Variants in SNTG1 observed in about 807,000 individuals in gnomAD.
SNTG1 encodes the protein syntrophin gamma 1.
A neutral mutation model predicts 74.7 loss-of-function variants in SNTG1; 39 were observed. That is an observed-to-expected ratio of 0.52 (90% CI 0.40 to 0.68). The LOEUF is 0.68. Among genes scored for constraint, SNTG1 ranks in the 30% least tolerant of loss-of-function variants. The pLI is 0.00. For synonymous variants in SNTG1, 254 were observed against 217.1 expected (o/e 1.17, Z -1.49); for missense variants, 685 against 609.5 (o/e 1.12, Z -1.30).
chr8:49,938,547 C>CTTTTCTTTTG (rs1227462232), intron 1 of SNTG1, among the ~76,000 whole-genome samples: 4 of 55,888 alleles, frequency 7.2e-5, no homozygotes, highest in Non-Finnish European at 1.6e-4. Flanking sequence ...ACCATGCCTT[C>CTTTTCTTTTG]TTTTCTTTTG....
At chr8:50,466,689 A>T (rs1472469362) in intron 8 of SNTG1, among the ~76,000 whole-genome samples, 1 of 151,970 alleles carries the variant, frequency 6.6e-6, no homozygotes, top group Non-Finnish European at 1.5e-5. Context: ...ATTAATTTAG[A>T]TTGCCTTTGC....
chr8:50,499,397 G>T (rs1180189934), intron 8 of SNTG1, among the ~76,000 whole-genome samples: 1 of 148,564 alleles, frequency 6.7e-6, no homozygotes, highest in South Asian at 2.1e-4. Flanking sequence ...CTGCTAGAAA[G>T]ATTAGTTATG....
intron 1 of SNTG1, among the ~76,000 whole-genome samples, chr8:50,144,736 G>A (rs2081795603): frequency 6.6e-6 from 1 of 152,144 alleles, no homozygotes; most frequent in Non-Finnish European, 1.5e-5. Context: ...GCTGTAGATT[G>A]GGAGTTGAGC....
chr8:50,686,144 C>T (rs1344602065), intron 15 of SNTG1, among the ~76,000 whole-genome samples: 1 of 152,088 alleles, frequency 6.6e-6, no homozygotes, highest in Non-Finnish European at 1.5e-5. Flanking sequence ...AAGTGATATA[C>T]ATCAATCAAT....
intron 1 of SNTG1, among the ~76,000 whole-genome samples, chr8:50,031,042 T>A (rs1817701923): frequency 6.6e-6 from 1 of 151,928 alleles, no homozygotes; most frequent in South Asian, 2.1e-4. Flanking sequence ...CATGAAACTC[T>A]TATAGAATTT....
chr8:50,700,289 C>T (rs1330027082), intron 15 of SNTG1, among the ~76,000 whole-genome samples: 1 of 152,002 alleles, frequency 6.6e-6, no homozygotes, highest in African/African-American at 2.4e-5. Flanking sequence ...ATGACTGCAA[C>T]CGTAAAGGAA....
chr8:50,172,453 C>A (rs564018270), intron 1 of SNTG1, 108 bp from the exon 2 acceptor site: 3 of 152,242 alleles, frequency 2.0e-5, no homozygotes, highest in Non-Finnish European at 4.4e-5. Flanking sequence ...GTGTAAATAG[C>A]AGTCTTGTCT....
intron 13 of SNTG1, among the ~76,000 whole-genome samples, chr8:50,622,014 G>A (rs1487904566): frequency 6.6e-6 from 1 of 152,090 alleles, no homozygotes; most frequent in Non-Finnish European, 1.5e-5. Flanking sequence ...GAGACTTTGT[G>A]CTCACCCTCT....
chr8:49,920,272 A>G (rs892506345), intron 1 of SNTG1, among the ~76,000 whole-genome samples: 3 of 151,970 alleles, frequency 2.0e-5, no homozygotes, highest in Non-Finnish European at 2.9e-5. Flanking sequence ...CTCACATTCT[A>G]TGTGTTATAC....
intron 13 of SNTG1, among the ~76,000 whole-genome samples, chr8:50,653,532 C>T (rs1408556513): frequency 6.6e-6 from 1 of 152,194 alleles, no homozygotes; most frequent in African/African-American, 2.4e-5. Context: ...TTACCTTGTG[C>T]CTTACATTTT....
intron 13 of SNTG1, among the ~76,000 whole-genome samples, chr8:50,644,803 G>A (rs1033438737): frequency 6.6e-5 from 10 of 152,074 alleles, no homozygotes; most frequent in African/African-American, 1.9e-4. Context: ...AGTGTTGTGG[G>A]GTGACAGTGC....
intron 13 of SNTG1, among the ~76,000 whole-genome samples, chr8:50,654,193 C>G (rs1236939629): frequency 1.3e-5 from 2 of 152,064 alleles, no homozygotes; most frequent in Admixed American, 1.3e-4. Flanking sequence ...CTTAGCTGTG[C>G]TTGGGTTGGG....
At chr8:50,310,659 A>T (rs538466740) in intron 2 of SNTG1, among the ~76,000 whole-genome samples, 138 of 152,262 alleles carry the variant, frequency 9.1e-4, no homozygotes, top group Non-Finnish European at 7.4e-5. Flanking sequence ...TTGCACTCCA[A>T]CCTGGACAAC....
chr8:49,969,302 C>G (rs1811425457), intron 1 of SNTG1, among the ~76,000 whole-genome samples: 1 of 151,358 alleles, frequency 6.6e-6, no homozygotes. Flanking sequence ...TTTGCTTCAC[C>G]ACAGGATGCC....
chr8:50,239,664 G>C lies in SNTG1; in HGVS notation c.-28+67029G>C, dbSNP rs377459176. ...CTGGAATCACTGCTGACTTCACCAG[G>C]GATTGTTGCAGTGTGTGGTTCAGGC... On this transcript the variant is annotated intron_variant, in intron 2 of 18. Coordinates refer to ENST00000642720, the MANE Select transcript of SNTG1 (RefSeq NM_018967.5). Among the ~76,000 whole-genome samples, 25 of 152,194 alleles carry C rather than the reference G, an allele frequency of 1.6e-4. No homozygotes were observed. In the South Asian group the frequency reaches 5.0e-3, roughly 30 times the overall value.
intron 9 of SNTG1, among the ~76,000 whole-genome samples, chr8:50,527,183 G>T (rs2094227894): frequency 6.6e-6 from 1 of 151,966 alleles, no homozygotes; most frequent in Non-Finnish European, 1.5e-5. Flanking sequence ...CCATTTTTCT[G>T]TTGGTATGTT....
Position 50,572,122 on chromosome 8 carries a change from C to T in SNTG1, c.811-18757C>T, listed in dbSNP as rs187027884. 4.3e-3 allele frequency among the ~76,000 whole-genome samples: 649 copies of T among 152,160 alleles called. 9 individuals are homozygous for T. Among genetic ancestry groups the T allele is most frequent in the African/African-American group, 0.014 (586 of 41,514 alleles). On this transcript the variant is annotated intron_variant, in intron 12 of 18. Transcript: ENST00000642720. ...AATTTTTATTATTTCCTGAAGCCCA[C>T]GGTGACTGTGCTAGGTAGGTACACC...
Position 50,719,408 on chromosome 8 carries a change from C to A in SNTG1, c.1284+10430C>A, listed in dbSNP as rs143181933. On this transcript the variant is annotated intron_variant, in intron 17 of 18. Transcript: ENST00000642720. The stretch of plus-strand genomic sequence containing the variant: ...CACTATTTTCGAAGCAGAGAATGAC[C>A]TTTCACCAGACACCAAATCTGCCAG... Among the ~76,000 whole-genome samples, 144 of 152,246 alleles carry A rather than the reference C, an allele frequency of 9.5e-4. 1 individual carries two copies. Among genetic ancestry groups the A allele is most frequent in the African/African-American group, 3.4e-3 (140 of 41,536 alleles).
chr8:50,548,285 C>G (rs2130552534), intron 11 of SNTG1, among the ~76,000 whole-genome samples: 1 of 152,198 alleles, frequency 6.6e-6, no homozygotes, highest in East Asian at 1.9e-4. Context: ...GAACAGGAAG[C>G]TCAGTCTAGG....
Sources: allele counts gnomAD v4.1 joint callset (sites outside exome capture counted in the v4.1 genomes callset), GRCh38; gene constraint gnomAD v4.1.1; transcripts MANE v1.5; gene names NCBI Gene and HGNC (gene_info 2026-07-23, HGNC 2026-07-21).